SORCS1: variants seen among roughly 807,000 people sequenced by gnomAD.
SORCS1 encodes sortilin related VPS10 domain containing receptor 1, also known as VPS10 domain-containing receptor SorCS1.
In SORCS1, 60 loss-of-function variants were observed where a neutral mutation model predicts 146.1. That is an observed-to-expected ratio of 0.41 (90% CI 0.33 to 0.51). The LOEUF is 0.51. SORCS1 is among the 20% of genes least tolerant of loss of function. The pLI is 0.21. For synonymous variants in SORCS1, 637 were observed against 584.0 expected (o/e 1.09, Z -1.31); for missense variants, 1,352 against 1,487.6 (o/e 0.91, Z 1.50).
intron 9 of SORCS1, among the ~76,000 whole-genome samples, chr10:106,696,593 G>C (rs901453763): frequency 6.6e-6 from 1 of 152,136 alleles, no homozygotes; most frequent in Non-Finnish European, 1.5e-5. Flanking sequence ...ATGATAATAA[G>C]AGCCAGCAGT....
intron 4 of SORCS1, among the ~76,000 whole-genome samples, chr10:106,771,966 T>C (rs2136329827): frequency 6.6e-6 from 1 of 152,312 alleles, no homozygotes; most frequent in Non-Finnish European, 1.5e-5. Context: ...GATAGCCACA[T>C]CCCCAGACAA....
intron 1 of SORCS1, among the ~76,000 whole-genome samples, chr10:107,077,421 T>G (rs1962982610): frequency 6.6e-6 from 1 of 152,040 alleles, no homozygotes; most frequent in African/African-American, 2.4e-5. Context: ...TATCACCAGT[T>G]ATTTTCAAAT....
chr10:107,045,781 CTTT>C (rs1313801610), intron 1 of SORCS1, among the ~76,000 whole-genome samples: 16 of 130,160 alleles, frequency 1.2e-4, no homozygotes, highest in Non-Finnish European at 2.3e-4. Flanking sequence ...TATATATCTT[CTTT>C]TTTTTTTTTT....
chr10:107,177,704 T>C, the SORCS1 span, among the ~76,000 whole-genome samples: 1 of 152,246 alleles, frequency 6.6e-6, no homozygotes, highest in Admixed American at 6.5e-5. Context: ...ATTTAAAATA[T>C]CCATCACCTT....
At chr10:106,800,890 T>C (rs984852147) in intron 3 of SORCS1, among the ~76,000 whole-genome samples, 1 of 152,120 alleles carries the variant, frequency 6.6e-6, no homozygotes, top group Non-Finnish European at 1.5e-5. Context: ...AGGCCTTCAG[T>C]GGGCTGGATT....
intron 1 of SORCS1, among the ~76,000 whole-genome samples, chr10:107,039,157 G>T (rs534233810): frequency 6.6e-6 from 1 of 151,584 alleles, no homozygotes; most frequent in South Asian, 2.1e-4. Flanking sequence ...GTGAAACCCC[G>T]TCTCTAATAA....
chr10:106,949,606 G>A (rs899508987), intron 2 of SORCS1, among the ~76,000 whole-genome samples: 1 of 152,212 alleles, frequency 6.6e-6, no homozygotes, highest in African/African-American at 2.4e-5. Flanking sequence ...CTGAGAAAAT[G>A]GGACAGGGCT....
intron 1 of SORCS1, among the ~76,000 whole-genome samples, chr10:107,101,054 T>G (rs1049683243): frequency 6.6e-6 from 1 of 151,928 alleles, no homozygotes; most frequent in African/African-American, 2.4e-5. Flanking sequence ...ACCACCACAC[T>G]TAGCTATTTT....
rs763144990 is a variant in SORCS1, at chr10:106,586,518, G to GTT, written c.3266-7046_3266-7045dup. Among the ~76,000 whole-genome samples, 6 of 151,838 alleles carry GTT rather than the reference G, an allele frequency of 4.0e-5. No individual in the cohort carries two copies. In the South Asian group the frequency reaches 6.2e-4, roughly 16 times the overall value. On this transcript the variant is annotated intron_variant, in intron 24 of 25. Transcript: ENST00000263054. ...TGCCCCTGTTTCTGTTCATCTGACT[G>GTT]TTCCTTGCTGACCATTCTCTGACCA...
chr10:106,583,755 C>T (rs1453305998), intron 24 of SORCS1, among the ~76,000 whole-genome samples: 3 of 151,948 alleles, frequency 2.0e-5, no homozygotes, highest in African/African-American at 4.8e-5. Context: ...GTGATCCACC[C>T]GCCTTGACCT....
At chr10:106,808,018 T>G (rs1042756065) in intron 3 of SORCS1, among the ~76,000 whole-genome samples, 3 of 152,122 alleles carry the variant, frequency 2.0e-5, no homozygotes, top group South Asian at 2.1e-4. Flanking sequence ...GTGACTCTAT[T>G]TTTATTTATT....
At chr10:106,804,263 T>C (rs140851042) in intron 3 of SORCS1, among the ~76,000 whole-genome samples, 2 of 152,126 alleles carry the variant, frequency 1.3e-5, no homozygotes, top group African/African-American at 2.4e-5. Flanking sequence ...AAATAATTAA[T>C]CTTGTGCTGC....
At chr10:107,158,971 A>G (rs1198761363) in intron 1 of SORCS1, among the ~76,000 whole-genome samples, 1 of 151,606 alleles carries the variant, frequency 6.6e-6, no homozygotes, top group Non-Finnish European at 1.5e-5. Context: ...TTAAATAACT[A>G]AGAGATTTTT....
rs1969949454 is a variant in SORCS1 at position 107,164,368 on chromosome 10, A to T, written c.159T>A (p.Pro53=). 5.4e-6 allele frequency: 8 copies of T among 1,491,580 alleles called. No homozygotes were observed. The highest frequency in any genetic ancestry group is 5.3e-6 in the Non-Finnish European group (6 of 1,124,036). The allele number at this position is 1,491,580 out of a possible 1,614,324, so 92.4% of individuals were successfully genotyped here. Residue 53 remains proline, a synonymous_variant, in exon 1 of 26, where the codon CCT becomes CCA. Transcript: ENST00000263054. This position sits in a 1 kb window ranked among gnomAD's most constrained non-coding sequence, Gnocchi z 6.8. ...GCCGCCCCTGGTGGGAAAAGCCCCT[A>T]GGGGTCGAGGCCGAGCGTGGAGCGG... The part of the protein sequence containing the change: ...PSSAPRSAST[P]RGFSHQGRPG...
intron 21 of SORCS1, among the ~76,000 whole-genome samples, chr10:106,613,702 C>T (rs1847164684): frequency 6.6e-6 from 1 of 152,184 alleles, no homozygotes; most frequent in Non-Finnish European, 1.5e-5. Flanking sequence ...TCCCCTAAAA[C>T]CTGCCAGTGC....
chr10:106,706,210 A>AAAG (rs61188122), intron 8 of SORCS1, among the ~76,000 whole-genome samples: 119,292 of 145,768 alleles, frequency 0.82, 49,964 homozygotes, highest in Non-Finnish European at 0.94. Context: ...AAGAAAGAAA[A>AAAG]AAGAAAGAAA....
At chr10:107,093,343 C>T (rs2134324945) in intron 1 of SORCS1, among the ~76,000 whole-genome samples, 1 of 152,302 alleles carries the variant, frequency 6.6e-6, no homozygotes, top group Admixed American at 6.5e-5. Context: ...TACCCTCTCC[C>T]CTTCACTCTA....
intron 2 of SORCS1, among the ~76,000 whole-genome samples, chr10:106,902,523 TA>T (rs1427728537): frequency 2.0e-5 from 3 of 152,224 alleles, no homozygotes; most frequent in African/African-American, 2.4e-5. Context: ...ATAGAGAGCT[TA>T]AAAAATGCAC....
chr10:106,813,564 G>A (rs1564689982), intron 3 of SORCS1, among the ~76,000 whole-genome samples: 1 of 152,166 alleles, frequency 6.6e-6, no homozygotes, highest in Non-Finnish European at 1.5e-5. Context: ...AAGAAATATT[G>A]TCTTGTTACA....
Sources: allele counts gnomAD v4.1 joint callset (sites outside exome capture counted in the v4.1 genomes callset), GRCh38; gene constraint gnomAD v4.1.1; non-coding constraint Gnocchi (gnomAD v3.1); transcripts MANE v1.5; gene names NCBI Gene and HGNC (gene_info 2026-07-23, HGNC 2026-07-21).